Variants in RNF213 observed in about 807,000 individuals in gnomAD.
RNF213 encodes the protein ring finger protein 213, also known as E3 ubiquitin-protein ligase RNF213.
A neutral mutation model predicts 514.4 loss-of-function variants in RNF213; 341 were observed. The ratio of observed to expected loss-of-function variants is 0.66; its 90% CI spans 0.61 to 0.73. The LOEUF is 0.73. Ranked by LOEUF, RNF213 falls within the 30% of genes least tolerant of loss-of-function variation. The pLI is 0.00. For synonymous variants in RNF213, 2,655 were observed against 2,658.2 expected, an observed-to-expected ratio of 1.00 and a Z score of 0.04; for missense variants, 5,767 against 6,615.6, an observed-to-expected ratio of 0.87 and a Z score of 4.45.
intron 15 of RNF213, among the ~76,000 whole-genome samples, chr17:80,316,943 C>T (rs892795772): frequency 5.9e-5 from 9 of 152,200 alleles, no homozygotes; most frequent in Non-Finnish European, 1.2e-4. Context: ...GAATAAAAAG[C>T]CGGTTGTGCA....
intron 52 of RNF213, 63 bp downstream of exon 52, chr17:80,376,606 G>A (rs2079771708): frequency 4.3e-6 from 7 of 1,609,676 alleles, no homozygotes; most frequent in Non-Finnish European, 3.4e-6. Flanking sequence ...TGTCACTGTA[G>A]AGACCGAGCT....
In RNF213 at chr17:80,317,374, C is replaced by A. The variant is rs117627863; in HGVS notation, c.2901+97C>A. 2.4e-3 allele frequency: 2,531 copies of A among 1,071,634 alleles called. 12 individuals are homozygous for A. Among genetic ancestry groups the A allele is most frequent in the Admixed American group, 4.7e-3 (235 of 50,448 alleles). The allele number at this position is 1,071,634 out of a possible 1,614,324, so 66.4% of individuals were successfully genotyped here. ...GCCAAGAGATCTCAGCAGTGCCTCT[C>A]TGTGGGCAGGGATGGGGTGAATCAC... On this transcript the variant is annotated intron_variant, in intron 16 of 67. Coordinates refer to ENST00000582970, the MANE Select transcript of RNF213 (RefSeq NM_001256071.3). The surrounding 1 kb of genome is among the most constrained non-coding windows in gnomAD (Gnocchi z 4.1).
intron 10 of RNF213, among the ~76,000 whole-genome samples, chr17:80,297,613 C>G (rs998055410): frequency 6.6e-6 from 1 of 151,452 alleles, no homozygotes; most frequent in African/African-American, 2.4e-5. Context: ...CAGTGAAACC[C>G]TGTCTCTACA....
At chr17:80,333,053 G>C (rs1396091428) in intron 21 of RNF213, among the ~76,000 whole-genome samples, 1 of 148,722 alleles carries the variant, frequency 6.7e-6, no homozygotes, top group Non-Finnish European at 1.5e-5. Flanking sequence ...TGACTCTTTT[G>C]CTTTTTTTTT....
Position 80,340,003 on chromosome 17 carries a change from G to T in RNF213, c.5636G>T (p.Arg1879Leu). Residue 1879 changes from arginine (R) to leucine (L), a missense_variant, in exon 26 of 68, where the codon CGC becomes CTC. Physicochemically the swap from Arg to Leu is moderately radical, Grantham distance 102. This residue lies in a region of RNF213 where 1,377 missense variants were observed against 1,635.2 expected (regional missense o/e 0.84). Transcript: ENST00000582970. ...TTTGAGGAGGTGGCACTGTTGCTGC[G>T]CCGCTGCCTGACCCTGGGCTCCCTG... ...TTFEEVALLLRRCLTLGSLGH... is the reference protein window; with the variant it reads ...TTFEEVALLLLRCLTLGSLGH... 6.5e-7 allele frequency: 1 copy of T among 1,538,968 alleles called. No individual in the cohort carries two copies. Among genetic ancestry groups the T allele is most frequent in the African/African-American group, 1.4e-5 (1 of 73,172 alleles).
At chr17:80,352,456 G>A (rs1365466930) in intron 32 of RNF213, 2 of 425,396 alleles carry the variant, frequency 4.7e-6, no homozygotes. Context: ...GGGAGGGAGA[G>A]TGGCGGGGGT....
chr17:80,297,662 C>G (rs1317783268), intron 10 of RNF213, among the ~76,000 whole-genome samples: 9 of 151,570 alleles, frequency 5.9e-5, no homozygotes, highest in African/African-American at 1.9e-4. Flanking sequence ...TGGCGGGCAC[C>G]TGTAGTCCCA....
chr17:80,358,504 G>A, intron 37 of RNF213, 25 bp downstream of exon 37: 1 of 1,591,644 alleles, frequency 6.3e-7, no homozygotes, highest in East Asian at 2.2e-5. Context: ...TTCTTTCCCT[G>A]GGGAGAGAAA....
In RNF213 at chr17:80,349,844, G is replaced by A. The variant is rs375771412; in HGVS notation, c.10026G>A (p.Pro3342=). ...ILESEVTGRA[P]KPTLLWLQQF... ...AATCAGAGGTCACAGGCAGGGCTCC[G>A]AAACCCACACTCCTGTGGCTGCAGC... The change falls in exon 30 of 68, where the codon CCG becomes CCA. Residue 3342 remains proline (P), a synonymous_variant. Coordinates refer to ENST00000582970, the MANE Select transcript of RNF213 (RefSeq NM_001256071.3). 5.6e-5 allele frequency: 90 copies of A among 1,613,990 alleles called. 2 individuals carry two copies. Among genetic ancestry groups the A allele is most frequent in the African/African-American group, 1.3e-5 (1 of 74,886 alleles).
At chr17:80,266,642 C>T (rs1204078189) in intron 2 of RNF213, among the ~76,000 whole-genome samples, 3 of 151,960 alleles carry the variant, frequency 2.0e-5, no homozygotes, top group African/African-American at 7.2e-5. Flanking sequence ...GCGGGGATTA[C>T]AGGCGTGAGG....
At chr17:80,384,084 A>G (rs1223857376) in intron 59 of RNF213, among the ~76,000 whole-genome samples, 156 bp downstream of exon 59, 1 of 152,212 alleles carries the variant, frequency 6.6e-6, no homozygotes, top group Non-Finnish European at 1.5e-5. Flanking sequence ...AGGGCTAGAG[A>G]TCTTCATACA....
chr17:80,370,112 G>A (rs1004760347), intron 46 of RNF213, among the ~76,000 whole-genome samples: 2 of 152,216 alleles, frequency 1.3e-5, no homozygotes, highest in African/African-American at 4.8e-5. Context: ...GCCGTGAAGG[G>A]ACCACAGTGG....
rs1340191201 is a variant in RNF213, at chr17:80,313,162, A to AT, written c.2808dup (p.Glu937Ter). 5.6e-6 allele frequency: 9 copies of AT among 1,613,972 alleles called. No homozygotes were observed. Among genetic ancestry groups the AT allele is most frequent in the Non-Finnish European group, 7.6e-6 (9 of 1,180,044 alleles). Reference sequence around the variant, plus strand: ...TGCCTCATTCACATACGTCAAGGAAATTGAGGTAGGCATTTGGCCGAAGGC... The same window carrying AT: ...TGCCTCATTCACATACGTCAAGGAAATTTGAGGTAGGCATTTGGCCGAAGGC... On this transcript the variant is annotated frameshift_variant, in exon 15 of 68. Transcript: ENST00000582970. LOFTEE classifies it high-confidence loss of function.
At chr17:80,360,246 A>T in intron 38 of RNF213, 40 bp downstream of exon 38, 1 of 1,596,390 alleles carries the variant, frequency 6.3e-7, no homozygotes, top group Non-Finnish European at 8.5e-7. Context: ...AGCACAGGTG[A>T]ATCACAAAGG....
Position 80,363,599 on chromosome 17 carries a change from G to A in RNF213, c.11569-10G>A, listed in dbSNP as rs773931178. On this transcript the variant is annotated splice_polypyrimidine_tract_variant and intron_variant, in intron 40 of 67. Transcript: ENST00000582970. ...ACCGCTCAGCCACGCCCTGCTGTCC[G>A]TCTCCCCAGACCCTGGACGCATTTG... 57 of 1,612,928 alleles carry A rather than the reference G, an allele frequency of 3.5e-5. No individual in the cohort carries two copies. The highest frequency in any genetic ancestry group is 2.3e-4 in the African/African-American group (17 of 74,906).
rs1365228602 is a variant in RNF213 at position 80,264,038 on chromosome 17, C to T, written c.97+260C>T. Among the ~76,000 whole-genome samples the T allele has an allele frequency of 1.3e-5, 2 of 152,198 alleles. No individual in the cohort carries two copies. The highest frequency in any genetic ancestry group is 2.4e-5 in the African/African-American group (1 of 41,458). ...AGTGCTTCCGTCCCTCGTTCAGGCC[C>T]GGCCTGAGTGAGCCCACCCGAGTGG... On this transcript the variant is annotated intron_variant, in intron 2 of 67. Coordinates refer to ENST00000582970, the MANE Select transcript of RNF213 (RefSeq NM_001256071.3). This position sits in a 1 kb window ranked among gnomAD's most constrained non-coding sequence, Gnocchi z 5.0.
chr17:80,276,650 T>C (rs1460637730), intron 3 of RNF213, among the ~76,000 whole-genome samples: 1 of 150,796 alleles, frequency 6.6e-6, no homozygotes, highest in East Asian at 1.9e-4. Context: ...CAATAGGAAA[T>C]GTTGATGAGG....
chr17:80,309,296 A>C (rs988471876), intron 14 of RNF213, 125 bp downstream of exon 14: 3 of 1,168,044 alleles, frequency 2.6e-6, no homozygotes, highest in Admixed American at 1.8e-5. Flanking sequence ...TGGTTTCAGC[A>C]GTGGACATTT....
At position 80,295,698 on chromosome 17, in the gene RNF213, A is replaced by T; in HGVS notation, c.1897A>T (p.Ile633Phe). 1 of 1,614,196 alleles carries T rather than the reference A, an allele frequency of 6.2e-7. No homozygotes were observed. The change falls in exon 10 of 68, where the codon ATT becomes TTT. Residue 633 changes from isoleucine (I) to phenylalanine (F), a missense_variant. Transcript: ENST00000582970. ...GATTGTCCTTTTTGTAGTGGAAAAAATTGAGCTTTTATTAGAAGGCAGCCT... is the reference window on the plus strand; with the variant it reads ...GATTGTCCTTTTTGTAGTGGAAAAATTTGAGCTTTTATTAGAAGGCAGCCT... ...GLIVLFVVEK[I>F]ELLLEGSLDW...
Sources: allele counts gnomAD v4.1 joint callset (sites outside exome capture counted in the v4.1 genomes callset), GRCh38; gene constraint gnomAD v4.1.1; regional missense constraint gnomAD v4.1.1; non-coding constraint Gnocchi (gnomAD v3.1); transcripts MANE v1.5; gene names NCBI Gene and HGNC (gene_info 2026-07-23, HGNC 2026-07-21).